Variants in NPIPB2 observed in about 807,000 individuals in gnomAD.
NPIPB2 encodes the protein nuclear pore complex-interacting protein family member B2.
A neutral mutation model predicts 30.8 loss-of-function variants in NPIPB2; 27 were observed. The observed-to-expected ratio is 0.88, with a 90% confidence interval of 0.65 to 1.21. NPIPB2 has a LOEUF of 1.21. Among genes scored for constraint, NPIPB2 ranks in the 50% most tolerant of loss-of-function variants. The pLI is 0.00. For synonymous variants in NPIPB2, 147 were observed against 162.0 expected, an observed-to-expected ratio of 0.91 and a Z score of 0.70; for missense variants, 440 against 446.2, an observed-to-expected ratio of 0.99 and a Z score of 0.13.
At position 11,951,376 on chromosome 16, in the gene NPIPB2, A is replaced by G. The variant is rs1227168287; in HGVS notation, c.-583-9262T>C. ...CTACTCGGGAGGCTGAGGCAGGAGAATGGCGTGAACCTGGGAAGCGGAGCT... is the reference window on the plus strand; with the variant it reads ...CTACTCGGGAGGCTGAGGCAGGAGAGTGGCGTGAACCTGGGAAGCGGAGCT... On this transcript the variant is annotated intron_variant, in intron 1 of 5. Coordinates refer to the NPIPB2 transcript ENST00000538896. 1.8e-3 allele frequency among the ~76,000 whole-genome samples: 247 copies of G among 140,146 alleles called. 2 individuals carry two copies. The highest frequency in any genetic ancestry group is 4.8e-3 in the Admixed American group (62 of 12,894). The allele number at this position is 140,146 out of a possible 152,430, so 91.9% of individuals were successfully genotyped here. A position where few individuals can be genotyped will look rare whatever the true frequency, so the allele number is the denominator to read the frequency against.
intron 1 of NPIPB2, among the ~76,000 whole-genome samples, chr16:11,962,936 G>A (rs966942750): frequency 6.6e-6 from 1 of 152,016 alleles, no homozygotes; most frequent in Non-Finnish European, 1.5e-5. Flanking sequence ...GCATGATGGC[G>A]CATGCCTGTA....
intron 1 of NPIPB2, among the ~76,000 whole-genome samples, chr16:11,973,082 C>T (rs900451315): frequency 3.4e-5 from 5 of 147,466 alleles, no homozygotes; most frequent in Non-Finnish European, 7.4e-5. Context: ...CTCGCTTGAA[C>T]CTGAGAGGCA....
chr16:11,970,074 T>C (rs2055226987), intron 1 of NPIPB2, among the ~76,000 whole-genome samples: 2 of 151,372 alleles, frequency 1.3e-5, no homozygotes, highest in Admixed American at 6.6e-5. Flanking sequence ...TATGGCCGGG[T>C]GTGGTGGCTC....
At chr16:11,961,587 C>G (rs1282465790) in intron 1 of NPIPB2, among the ~76,000 whole-genome samples, 2 of 151,660 alleles carry the variant, frequency 1.3e-5, no homozygotes, top group Non-Finnish European at 2.9e-5. Flanking sequence ...CGAGACCAGC[C>G]TGGCCAACAT....
intron 1 of NPIPB2, chr16:11,965,176 G>GC (rs1202102175): frequency 1.3e-5 from 12 of 922,278 alleles, no homozygotes; most frequent in Non-Finnish European, 1.8e-5. Flanking sequence ...GACACAGACA[G>GC]CCCCCGTAAG....
chr16:11,930,471 A>G (rs767661074), exon 5 of NPIPB2: 6 of 1,575,710 alleles, frequency 3.8e-6, no homozygotes, highest in Non-Finnish European at 3.4e-6. Flanking sequence ...TATTTCTTTC[A>G]TATCCAATTT....
At chr16:11,971,549 C>T (rs1232061351) in intron 1 of NPIPB2, among the ~76,000 whole-genome samples, 1 of 151,970 alleles carries the variant, frequency 6.6e-6, no homozygotes, top group Non-Finnish European at 1.5e-5. Flanking sequence ...GGCTGGAGTG[C>T]AGTGGCGCAA....
chr16:11,972,355 CG>C, intron 1 of NPIPB2, among the ~76,000 whole-genome samples: 1 of 152,276 alleles, frequency 6.6e-6, no homozygotes, highest in East Asian at 1.9e-4. Flanking sequence ...GTGGGCAGAT[CG>C]TAAGGTCAGG....
upstream of NPIPB2, among the ~76,000 whole-genome samples, chr16:11,943,921 C>T (rs2054971928): frequency 7.7e-6 from 1 of 130,232 alleles, no homozygotes; most frequent in East Asian, 2.6e-4. Context: ...TGGCGTGAAC[C>T]TGGGAGGTGG....
intron 1 of NPIPB2, among the ~76,000 whole-genome samples, chr16:11,964,334 C>G (rs1036542732): frequency 1.3e-5 from 2 of 152,094 alleles, no homozygotes; most frequent in African/African-American, 4.8e-5. Flanking sequence ...CCTCTTTCCA[C>G]GAGCTCTTAC....
chr16:11,940,827 G>C (rs2054929027), intron 1 of NPIPB2, among the ~76,000 whole-genome samples: 1 of 135,834 alleles, frequency 7.4e-6, no homozygotes, highest in East Asian at 2.4e-4. Flanking sequence ...ATTTCACTTT[G>C]TTTTGGTCCA....
At chr16:11,961,423 T>A (rs530414846) in intron 1 of NPIPB2, among the ~76,000 whole-genome samples, 47 of 152,110 alleles carry the variant, frequency 3.1e-4, no homozygotes, top group Non-Finnish European at 5.0e-4. Flanking sequence ...AAAAAAAAAG[T>A]ATTTTTTTAA....
chr16:11,962,877 C>T (rs1252058333), intron 1 of NPIPB2, among the ~76,000 whole-genome samples: 3 of 151,820 alleles, frequency 2.0e-5, no homozygotes, highest in Non-Finnish European at 4.4e-5. Context: ...GACCATTCTG[C>T]CCAATATGGT....
At chr16:11,956,523 A>C (rs891842944) in intron 1 of NPIPB2, among the ~76,000 whole-genome samples, 2 of 152,116 alleles carry the variant, frequency 1.3e-5, no homozygotes, top group Non-Finnish European at 2.9e-5. Flanking sequence ...TAAAAATACA[A>C]AAATTAGCTG....
exon 8 of NPIPB2, chr16:11,927,468 T>G: frequency 2.5e-6 from 3 of 1,191,568 alleles, no homozygotes; most frequent in South Asian, 1.3e-5. Context: ...CTCCGCCTCT[T>G]GGGTTCGGGT....
rs769673946 is a variant in NPIPB2 at position 11,933,894 on chromosome 16, C to G, written c.223G>C (p.Glu75Gln). The change falls in exon 3 of 8, where the codon GAA (glutamate) becomes CAA (glutamine). Residue 75 changes from glutamate (E) to glutamine (Q), a missense_variant. Glu to Gln is a conservative substitution (Grantham distance 29, BLOSUM62 2). Around this residue, in one of 3 missense-constraint regions of NPIPB2, gnomAD observed 252 missense variants for 233.0 expected, o/e 1.08. Transcript: ENST00000399147. ...TCTGTGGATACATCATGTCCATTTTCAGACTGGAAGATAGTCTTCAGGAAA... is the reference window on the plus strand; with the variant it reads ...TCTGTGGATACATCATGTCCATTTTGAGACTGGAAGATAGTCTTCAGGAAA... The G allele has an allele frequency of 1.1e-5, 17 of 1,557,262 alleles. No individual in the cohort carries two copies. The African/African-American group carries it at 1.9e-4, about 17-fold the overall frequency.
chr16:11,934,796 T>G (rs1183997787), intron 2 of NPIPB2, among the ~76,000 whole-genome samples: 5 of 141,500 alleles, frequency 3.5e-5, no homozygotes, highest in African/African-American at 1.0e-4. Flanking sequence ...GAGGCAGAGG[T>G]TGCAGTGAGC....
rs147141474 is a variant in NPIPB2 at position 11,970,496 on chromosome 16, G to A, written c.-584+6072C>T. On this transcript the variant is annotated intron_variant, in intron 1 of 5. Coordinates refer to the NPIPB2 transcript ENST00000538896. Reference sequence around the variant, plus strand: ...CCAAAGTGCTAGAATTATAGGTGTGGGCCACTGCACCTGGCCTTCCAGTGT... The same window carrying A: ...CCAAAGTGCTAGAATTATAGGTGTGAGCCACTGCACCTGGCCTTCCAGTGT... Among the ~76,000 whole-genome samples, 866 of 151,870 alleles carry A rather than the reference G, an allele frequency of 5.7e-3. 13 individuals are homozygous for A. Among genetic ancestry groups the A allele is most frequent in the African/African-American group, 0.02 (821 of 41,442 alleles).
chr16:11,971,852 A>G (rs573178982), intron 1 of NPIPB2, among the ~76,000 whole-genome samples: 1 of 152,182 alleles, frequency 6.6e-6, no homozygotes, highest in African/African-American at 2.4e-5. Flanking sequence ...TTATGGTCTA[A>G]AGATTTAGAA....
Sources: allele counts gnomAD v4.1 joint callset (sites outside exome capture counted in the v4.1 genomes callset), GRCh38; gene constraint gnomAD v4.1.1; regional missense constraint gnomAD v4.1.1; transcripts MANE v1.5; gene names NCBI Gene and HGNC (gene_info 2026-07-23, HGNC 2026-07-21).